The following ADAT3 variants were observed in gnomAD, a reference collection of about 807,000 sequenced individuals.
ADAT3 encodes adenosine deaminase tRNA specific 3.
In ADAT3, 2 loss-of-function variants were observed where a neutral mutation model predicts 3.5. The observed-to-expected ratio is 0.57, with a 90% CI of 0.23 to 1.79. The LOEUF (loss-of-function observed/expected upper bound fraction) is 1.79. Ranked by LOEUF, ADAT3 falls within the 40% of genes most tolerant of loss-of-function variation. The pLI is 0.18. For missense variants in ADAT3, 735 were observed against 571.4 expected (o/e 1.29, Z -2.92); for synonymous variants, 358 against 270.3 (o/e 1.32, Z -3.18).
At chr19:1,911,164 C>T (rs1267798398) in intron 1 of ADAT3, among the ~76,000 whole-genome samples, 4 of 149,608 alleles carry the variant, frequency 2.7e-5, no homozygotes, top group Non-Finnish European at 5.9e-5. Context: ...CGTGAGCCAC[C>T]GTGCCCGGGT....
chr19:1,907,568 C>T (rs747326631), intron 1 of ADAT3, among the ~76,000 whole-genome samples: 25 of 152,222 alleles, frequency 1.6e-4, no homozygotes, highest in Admixed American at 2.6e-4. Flanking sequence ...ACCCAGGTCC[C>T]GGCGCGGACC....
intron 1 of ADAT3, among the ~76,000 whole-genome samples, chr19:1,910,697 T>C (rs1411511061): frequency 1.4e-5 from 2 of 146,116 alleles, no homozygotes; most frequent in Non-Finnish European, 3.0e-5. Context: ...TTGCCTCAGC[T>C]TCCTGAGTAG....
rs2013497908 is a variant in ADAT3 at position 1,912,246 on chromosome 19, C to G, written c.199C>G (p.Leu67Val). 1.9e-6 allele frequency: 3 copies of G among 1,597,602 alleles called. No individual in the cohort carries two copies. In the African/African-American group the frequency reaches 4.0e-5, roughly 21 times the overall value. ...GGTGCTGGCCTACGCCGCGCCCGTC[C>G]TGGACAAGCGCCAGACCTCACGCCT... ...ELVLAYAAPV[L>V]DKRQTSRLLK... Residue 67 changes from leucine to valine, a missense_variant, in exon 2 of 2, where the codon CTG becomes GTG. By Grantham distance (32) the Leu-to-Val change is conservative. Transcript: ENST00000329478.
rs2013258647 is a variant in ADAT3, at chr19:1,908,473, C to T, written c.-159+3034C>T. 2.1e-6 allele frequency: 1 copy of T among 470,852 alleles called. No individual in the cohort carries two copies. The highest frequency in any genetic ancestry group is 4.4e-6 in the Non-Finnish European group (1 of 227,004). The allele number at this position is 470,852 out of a possible 1,614,324, so 29.2% of individuals were successfully genotyped here. A position where few individuals can be genotyped will look rare whatever the true frequency, so the allele number is the denominator to read the frequency against. On this transcript the variant is annotated intron_variant, in intron 1 of 1. Coordinates refer to ENST00000329478, the MANE Select transcript of ADAT3 (RefSeq NM_138422.4). The surrounding 1 kb of genome is among the most constrained non-coding windows in gnomAD (Gnocchi z 4.2). ...GCGCGGCTGCGAAATGATCCAGAGACACATCCCTGTCTGCGGGAGGAGCCG... is the reference window on the plus strand; with the variant it reads ...GCGCGGCTGCGAAATGATCCAGAGATACATCCCTGTCTGCGGGAGGAGCCG...
Position 1,913,247 on chromosome 19 carries a change from G to T in ADAT3, c.*96G>T. ...CGATTTCTTCCGCACAAGCCTGACCGTGGATTTCAGGGACACATACCGCCT... is the reference window on the plus strand; with the variant it reads ...CGATTTCTTCCGCACAAGCCTGACCTTGGATTTCAGGGACACATACCGCCT... On this transcript the variant is annotated 3_prime_UTR_variant, in exon 2 of 2. Coordinates refer to ENST00000329478, the MANE Select transcript of ADAT3 (RefSeq NM_138422.4). 1 of 1,431,264 alleles carries T rather than the reference G, an allele frequency of 7.0e-7. No individual in the cohort carries two copies. The highest frequency in any genetic ancestry group is 9.2e-7 in the Non-Finnish European group (1 of 1,084,730). 88.7% of individuals were successfully genotyped at this position (1,431,264 alleles called of 1,614,324 possible).
chr19:1,913,030 C>T lies in ADAT3; in HGVS notation c.983C>T (p.Ser328Leu), dbSNP rs768825659. Residue 328 changes from serine (S) to leucine (L), a missense_variant, in exon 2 of 2, where the codon TCG becomes TTG. Ser to Leu is a moderately radical substitution (Grantham distance 145, BLOSUM62 -2). Transcript: ENST00000329478. ...CTGCGCGTCTTCTACGGTGCGCCCTCGCCCGACGGCGCCCTGGGCACCCGC... is the reference window on the plus strand; with the variant it reads ...CTGCGCGTCTTCTACGGTGCGCCCTTGCCCGACGGCGCCCTGGGCACCCGC... ...RILRVFYGAP[S>L]PDGALGTRFR... The T allele has an allele frequency of 2.5e-6, 4 of 1,604,158 alleles. No individual in the cohort carries two copies. The highest frequency in any genetic ancestry group is 2.2e-5 in the East Asian group (1 of 44,840).
In ADAT3 at chr19:1,908,029, A is replaced by G. The variant is rs184816666; in HGVS notation, c.-159+2590A>G. On this transcript the variant is annotated intron_variant, in intron 1 of 1. Coordinates refer to ENST00000329478, the MANE Select transcript of ADAT3 (RefSeq NM_138422.4). The surrounding 1 kb of genome is among the most constrained non-coding windows in gnomAD (Gnocchi z 4.2). The stretch of plus-strand genomic sequence containing the variant: ...CTCCTCTCTGGGTCGTTTGTTTTTC[A>G]TCAGACAGAGGTTGTACTCTTGGAG... 4.4e-5 allele frequency: 7 copies of G among 158,330 alleles called. No homozygotes were observed. Among genetic ancestry groups the G allele is most frequent in the Non-Finnish European group, 9.7e-5 (7 of 72,020 alleles). 9.8% of individuals were successfully genotyped at this position (158,330 alleles called of 1,614,324 possible). A position where few individuals can be genotyped will look rare whatever the true frequency, so the allele number is the denominator to read the frequency against.
At chr19:1,905,684 C>G (rs1180315129) in intron 1 of ADAT3, 1 of 154,946 alleles carries the variant, frequency 6.5e-6, no homozygotes, top group African/African-American at 2.4e-5. Flanking sequence ...ACCGCGCTCC[C>G]CCGGGCCTAG....
Position 1,912,149 on chromosome 19 carries a change from C to T in ADAT3, c.102C>T (p.Ser34=). 1.3e-6 allele frequency: 2 copies of T among 1,565,514 alleles called. No homozygotes were observed. Among genetic ancestry groups the T allele is most frequent in the African/African-American group, 1.4e-5 (1 of 73,928 alleles). The change falls in exon 2 of 2, where the codon AGC becomes AGT. Residue 34 remains serine (S), a synonymous_variant. Coordinates refer to ENST00000329478, the MANE Select transcript of ADAT3 (RefSeq NM_138422.4). ...VEQPKCLEAG[S]PEPEPAPWQA... is the part of the protein sequence containing the mutation. ...AGCCCAAGTGCTTGGAGGCCGGGAG[C>T]CCGGAGCCTGAGCCGGCGCCGTGGC...
chr19:1,910,575 CTTTT>C (rs11350651), intron 1 of ADAT3, among the ~76,000 whole-genome samples: 7 of 95,080 alleles, frequency 7.4e-5, no homozygotes, highest in Admixed American at 3.2e-4. Context: ...TTTGAGGTGT[CTTTT>C]TTTTTTTTTT....
chr19:1,908,780 C>T lies in ADAT3; in HGVS notation c.-158-3110C>T, dbSNP rs781549276. 5.7e-6 allele frequency: 2 copies of T among 351,822 alleles called. No individual in the cohort carries two copies. Among genetic ancestry groups the T allele is most frequent in the Non-Finnish European group, 5.6e-6 (1 of 179,712 alleles). 21.8% of individuals were successfully genotyped at this position (351,822 alleles called of 1,614,324 possible). A position where few individuals can be genotyped will look rare whatever the true frequency, so the allele number is the denominator to read the frequency against. On this transcript the variant is annotated intron_variant, in intron 1 of 1. Coordinates refer to ENST00000329478, the MANE Select transcript of ADAT3 (RefSeq NM_138422.4). This position sits in a 1 kb window ranked among gnomAD's most constrained non-coding sequence, Gnocchi z 4.2. Reference sequence around the variant, plus strand: ...TCCTGAGTAGCTGGGACTACATGTGCACACCACCGTGCCCAACTAATTTAT... The same window carrying T: ...TCCTGAGTAGCTGGGACTACATGTGTACACCACCGTGCCCAACTAATTTAT...
chr19:1,910,575 C>CTTT (rs11350651), intron 1 of ADAT3, among the ~76,000 whole-genome samples: 4 of 95,078 alleles, frequency 4.2e-5, no homozygotes, highest in African/African-American at 1.1e-4. Context: ...TTTGAGGTGT[C>CTTT]TTTTTTTTTT....
At chr19:1,911,221 G>T (rs2013428293) in intron 1 of ADAT3, among the ~76,000 whole-genome samples, 1 of 151,790 alleles carries the variant, frequency 6.6e-6, no homozygotes, top group Non-Finnish European at 1.5e-5. Context: ...AGCCAGGCTG[G>T]GGTACAGTGG....
chr19:1,911,496 C>T (rs1247614986), intron 1 of ADAT3, among the ~76,000 whole-genome samples: 3 of 152,176 alleles, frequency 2.0e-5, no homozygotes, highest in African/African-American at 7.2e-5. Context: ...TTGAAAATGA[C>T]CTGTCTTGGC....
chr19:1,906,301 A>G (rs1298376234), intron 1 of ADAT3: 2 of 152,152 alleles, frequency 1.3e-5, no homozygotes, highest in Admixed American at 6.6e-5. Flanking sequence ...TGGAGGTTGC[A>G]GTGAGCCAAG....
chr19:1,909,393 C>G (rs1228836405), intron 1 of ADAT3, among the ~76,000 whole-genome samples: 1 of 152,192 alleles, frequency 6.6e-6, no homozygotes, highest in Non-Finnish European at 1.5e-5. Context: ...ATCCCGAGAG[C>G]TGGGGGCCCC....
Position 1,912,798 on chromosome 19 carries a change from G to A in ADAT3, c.751G>A (p.Gly251Ser), listed in dbSNP as rs752566822. The change falls in exon 2 of 2, where the codon GGC (glycine) becomes AGC (serine). Residue 251 changes from glycine (G) to serine (S), a missense_variant. Coordinates refer to ENST00000329478, the MANE Select transcript of ADAT3 (RefSeq NM_138422.4). ...VMVCVDLVARGQGRGTYDFRP... is the reference protein window; with the variant it reads ...VMVCVDLVARSQGRGTYDFRP... ...GGTGTGCGTGGACCTCGTGGCGCGCGGCCAGGGCCGCGGCACCTACGACTT... is the reference window on the plus strand; with the variant it reads ...GGTGTGCGTGGACCTCGTGGCGCGCAGCCAGGGCCGCGGCACCTACGACTT... 141 of 1,575,420 alleles carry A rather than the reference G, an allele frequency of 8.9e-5. No individual in the cohort carries two copies. Among genetic ancestry groups the A allele is most frequent in the Non-Finnish European group, 1.1e-4 (129 of 1,169,300 alleles).
At chr19:1,905,511 TGGG>T (rs1169911849) in intron 1 of ADAT3, 72 bp downstream of exon 1, 3 of 376,516 alleles carry the variant, frequency 8.0e-6, no homozygotes, top group African/African-American at 4.5e-5. Context: ...GGGGCTGACA[TGGG>T]GGGTCTCGGC....
chr19:1,912,034 C>T lies in ADAT3; in HGVS notation c.-14C>T. ...GGACTCCCCGGCTCTCCCCCAGCCG[C>T]CCGCAGCCGCCGGATGATCCTCTGC... On this transcript the variant is annotated 5_prime_UTR_variant, in exon 2 of 2. Coordinates refer to ENST00000329478, the MANE Select transcript of ADAT3 (RefSeq NM_138422.4). The T allele has an allele frequency of 1.4e-6, 2 of 1,416,740 alleles. No individual in the cohort carries two copies. Among genetic ancestry groups the T allele is most frequent in the East Asian group, 5.5e-5 (2 of 36,250 alleles). The allele number at this position is 1,416,740 out of a possible 1,614,324, so 87.8% of individuals were successfully genotyped here. A position where few individuals can be genotyped will look rare whatever the true frequency, so the allele number is the denominator to read the frequency against.
Sources: gnomAD v4.1 joint callset for allele counts (sites outside exome capture counted in the v4.1 genomes callset) on GRCh38, gnomAD v4.1.1 for gene constraint, Gnocchi (gnomAD v3.1) non-coding constraint, MANE v1.5 for transcripts, NCBI Gene and HGNC (gene_info 2026-07-23, HGNC 2026-07-21) for gene names.